Variants in JAK2 observed in about 807,000 individuals in gnomAD.
JAK2 encodes the protein tyrosine-protein kinase JAK2.
In JAK2, 86 loss-of-function variants were observed where a neutral mutation model predicts 139.3. The ratio of observed to expected loss-of-function variants is 0.62; its 90% CI spans 0.52 to 0.74. The LOEUF (loss-of-function observed/expected upper bound fraction) is 0.74, where lower values mean the gene tolerates loss of function less well. Among genes scored for constraint, JAK2 ranks in the 30% least tolerant of loss-of-function variants. JAK2 has a pLI of 0.00. For synonymous variants in JAK2, 490 were observed against 437.7 expected, an observed-to-expected ratio of 1.12 and a Z score of -1.49; for missense variants, 1,421 against 1,360.3, an observed-to-expected ratio of 1.04 and a Z score of -0.70.
rs532525636 is a variant in JAK2 at position 5,121,845 on chromosome 9, G to T, written c.3060-1159G>T. ...AAAAAAACAGCTGTGGAAATGTGCGGGAAATTACAATGAGTGCTATATGAA... is the reference window on the plus strand; with the variant it reads ...AAAAAAACAGCTGTGGAAATGTGCGTGAAATTACAATGAGTGCTATATGAA... On this transcript the variant is annotated intron_variant, in intron 22 of 24. Coordinates refer to ENST00000381652, the MANE Select transcript of JAK2 (RefSeq NM_004972.4). Among the ~76,000 whole-genome samples, 12 of 152,208 alleles carry T rather than the reference G, an allele frequency of 7.9e-5. 1 individual carries two copies. The highest frequency in any genetic ancestry group is 2.9e-4 in the African/African-American group (12 of 41,522).
intron 22 of JAK2, chr9:5,114,116 C>T: frequency 8.4e-6 from 3 of 358,312 alleles, no homozygotes; most frequent in Non-Finnish European, 1.7e-5. Flanking sequence ...CCTACACCTG[C>T]CAGGTCACCT....
At chr9:5,089,461 C>T (rs1306852640) in intron 19 of JAK2, among the ~76,000 whole-genome samples, 2 of 146,148 alleles carry the variant, frequency 1.4e-5, no homozygotes, top group African/African-American at 2.7e-5. Flanking sequence ...TGGTGTGAAC[C>T]CAGGGGGCGG....
intron 2 of JAK2, among the ~76,000 whole-genome samples, chr9:5,010,771 C>A (rs374961448): frequency 9.9e-4 from 151 of 152,188 alleles, no homozygotes; most frequent in African/African-American, 3.5e-3. Context: ...TTTATCAGTT[C>A]TTGAGTGTGA....
chr9:5,042,830 C>T (rs1346349813), intron 4 of JAK2, among the ~76,000 whole-genome samples: 1 of 152,202 alleles, frequency 6.6e-6, no homozygotes, highest in Non-Finnish European at 1.5e-5. Context: ...AAGCCAGCCC[C>T]GCAACCAAAA....
rs142887031 is a variant in JAK2 at position 5,049,601 on chromosome 9, G to A, written c.469-1085G>A. 1.1e-3 allele frequency among the ~76,000 whole-genome samples: 172 copies of A among 152,238 alleles called. 1 individual carries two copies. The highest frequency in any genetic ancestry group is 3.8e-3 in the African/African-American group (157 of 41,546). ...GTGTGGTGCTTCCTATATCATGTCT[G>A]GTGTTATAATTATTTGCTTCTGTTT... On this transcript the variant is annotated intron_variant, in intron 5 of 24. Transcript: ENST00000381652.
chr9:4,989,703 G>C (rs998968059), intron 2 of JAK2, among the ~76,000 whole-genome samples: 3 of 152,216 alleles, frequency 2.0e-5, no homozygotes, highest in Non-Finnish European at 4.4e-5. Flanking sequence ...GAGTTGAGCA[G>C]AGATTTTGCA....
chr9:5,085,042 C>T, intron 19 of JAK2: 1 of 778,644 alleles, frequency 1.3e-6, no homozygotes, highest in Non-Finnish European at 2.2e-6. Flanking sequence ...ATGAGGGCGT[C>T]TCTTTCTGGG....
At chr9:4,993,269 A>G (rs1820368518) in intron 2 of JAK2, among the ~76,000 whole-genome samples, 1 of 152,220 alleles carries the variant, frequency 6.6e-6, no homozygotes. Context: ...AGGATCTATG[A>G]GGTACTGATT....
chr9:5,021,642 T>G (rs1002650998), intron 2 of JAK2, among the ~76,000 whole-genome samples: 5 of 152,196 alleles, frequency 3.3e-5, no homozygotes, highest in Non-Finnish European at 7.3e-5. Context: ...TGTATTCATT[T>G]TTGAGACAGG....
intron 19 of JAK2, among the ~76,000 whole-genome samples, chr9:5,084,182 G>C (rs981196729): frequency 6.6e-6 from 1 of 152,098 alleles, no homozygotes; most frequent in Non-Finnish European, 1.5e-5. Context: ...ATATTTCTTA[G>C]TAATTTAGTT....
At chr9:5,001,962 A>C (rs1820951516) in intron 2 of JAK2, among the ~76,000 whole-genome samples, 1 of 151,978 alleles carries the variant, frequency 6.6e-6, no homozygotes, top group South Asian at 2.1e-4. Flanking sequence ...CATTGGCATG[A>C]AGTTGCTCCT....
upstream of JAK2, chr9:4,984,727 C>G (rs1051466997): frequency 6.6e-6 from 1 of 152,410 alleles, no homozygotes; most frequent in African/African-American, 2.4e-5. Context: ...GCAGCCCGGC[C>G]TCCTCCAGTG....
In JAK2 at chr9:5,029,915, T is replaced by C. The variant is rs778649664; in HGVS notation, c.350+9T>C. Reference sequence around the variant, plus strand: ...GTACTCTACAGAATAAGGTACTTTCTTCAGTAAAGTAACTCACTTAATGCT... The same window carrying C: ...GTACTCTACAGAATAAGGTACTTTCCTCAGTAAAGTAACTCACTTAATGCT... On this transcript the variant is annotated intron_variant, in intron 4 of 24. Transcript: ENST00000381652. 1 of 1,572,530 alleles carries C rather than the reference T, an allele frequency of 6.4e-7. No homozygotes were observed. Among genetic ancestry groups the C allele is most frequent in the Admixed American group, 2.0e-5 (1 of 49,028 alleles).
At chr9:4,990,415 C>T (rs1314251103) in intron 2 of JAK2, among the ~76,000 whole-genome samples, 3 of 152,042 alleles carry the variant, frequency 2.0e-5, no homozygotes, top group East Asian at 3.9e-4. Flanking sequence ...GACAGTTGAG[C>T]GTATATTGTG....
chr9:4,987,691 T>TC (rs376136922), intron 2 of JAK2, among the ~76,000 whole-genome samples: 61,842 of 142,136 alleles, frequency 0.44, 13,408 homozygotes, highest in African/African-American at 0.56. Flanking sequence ...AGCCGAGATC[T>TC]CACCACTGCA....
chr9:5,050,750 G>A lies in JAK2; in HGVS notation c.533G>A (p.Cys178Tyr). The change falls in exon 6 of 25, where the codon TGT (cysteine) becomes TAT (tyrosine). Residue 178 changes from cysteine (C) to tyrosine (Y), a missense_variant. By Grantham distance (194) the Cys-to-Tyr change is radical. Transcript: ENST00000381652. ...GTGACTCATGAAACACAGGAAGAAT[G>A]TCTTGGGATGGCAGTGTTAGATATG... Reference protein sequence around the residue: ...VPVTHETQEECLGMAVLDMMR... With the variant: ...VPVTHETQEEYLGMAVLDMMR... 6.2e-7 allele frequency: 1 copy of A among 1,613,640 alleles called. No individual in the cohort carries two copies. The highest frequency in any genetic ancestry group is 8.5e-7 in the Non-Finnish European group (1 of 1,179,620).
chr9:5,109,730 ACTT>A, intron 22 of JAK2: 1 of 152,314 alleles, frequency 6.6e-6, no homozygotes, highest in African/African-American at 2.4e-5. Flanking sequence ...GCTTTAGACT[ACTT>A]CTCCATAATA....
intron 2 of JAK2, among the ~76,000 whole-genome samples, chr9:5,021,688 G>C (rs971784497): frequency 6.6e-6 from 1 of 152,126 alleles, no homozygotes. Flanking sequence ...GTGCGGTGGA[G>C]TGCGGAGGTT....
intron 5 of JAK2, among the ~76,000 whole-genome samples, chr9:5,049,159 C>T (rs745472377): frequency 9.2e-5 from 14 of 152,094 alleles, no homozygotes; most frequent in Non-Finnish European, 1.9e-4. Flanking sequence ...CGTATCTGAG[C>T]CATACACCAG....
Sources: gnomAD v4.1 joint callset for allele counts (sites outside exome capture counted in the v4.1 genomes callset) on GRCh38, gnomAD v4.1.1 for gene constraint, MANE v1.5 for transcripts, NCBI Gene and HGNC (gene_info 2026-07-23, HGNC 2026-07-21) for gene names.